Variants in NEBL observed in about 807,000 individuals in gnomAD.
NEBL encodes nebulette, also known as LIM and SH3 protein 2.
A neutral mutation model predicts 140.2 loss-of-function variants in NEBL; 122 were observed. That is an observed-to-expected ratio of 0.87 (90% CI 0.75 to 1.01). The LOEUF is 1.01. NEBL is among the 50% of genes least tolerant of loss of function. The pLI is 0.00. For synonymous variants in NEBL, 436 were observed against 398.9 expected (o/e 1.09, Z -1.11); for missense variants, 1,365 against 1,231.3 (o/e 1.11, Z -1.62).
chr10:20,831,519 G>T lies in NEBL; in HGVS notation c.1514C>A (p.Thr505Asn). The T allele has an allele frequency of 1.2e-6, 2 of 1,612,484 alleles. No individual in the cohort carries two copies. Among genetic ancestry groups the T allele is most frequent in the Non-Finnish European group, 1.7e-6 (2 of 1,179,458 alleles). The change falls in exon 15 of 28, where the codon ACT (threonine) becomes AAT (asparagine). Residue 505 changes from threonine to asparagine, a missense_variant. Thr to Asn is a moderately conservative substitution (Grantham distance 65). Transcript: ENST00000377122. ...KGKGMQVSTD[T>N]LDVQRAKKAS... ...TTTCTTAGCTCTCTGGACATCAAGA[G>T]TGTCTGTGCTCACCTGCATCCCTTT... is the stretch of plus-strand genomic sequence containing the variant.
chr10:21,061,331 A>G (rs1163782065), intron 2 of NEBL, among the ~76,000 whole-genome samples: 2 of 149,058 alleles, frequency 1.3e-5, no homozygotes, highest in Non-Finnish European at 1.5e-5. Flanking sequence ...ATTACATATT[A>G]TGTGATATGT....
rs1390108973 is a variant in NEBL, at chr10:20,785,114, AGAG to A, written c.*630_*632del. ...ACTTGGGTCCATAGAATATAAATGGAGAGTAGGAGATGCCTTGGTACAAATGAG... is the reference window on the plus strand; with the variant it reads ...ACTTGGGTCCATAGAATATAAATGGATAGGAGATGCCTTGGTACAAATGAG... On this transcript the variant is annotated 3_prime_UTR_variant, in exon 28 of 28. Transcript: ENST00000377122. 1 of 154,402 alleles carries A rather than the reference AGAG, an allele frequency of 6.5e-6. No individual in the cohort carries two copies. The highest frequency in any genetic ancestry group is 2.4e-5 in the African/African-American group (1 of 41,454). The allele number at this position is 154,402 out of a possible 1,614,324, so 9.6% of individuals were successfully genotyped here.
At chr10:21,283,637 C>G (rs148805028) in intron 1 of NEBL, among the ~76,000 whole-genome samples, 14 of 152,210 alleles carry the variant, frequency 9.2e-5, no homozygotes, top group African/African-American at 3.1e-4. Flanking sequence ...GTAACACACC[C>G]AGCAGAGTCT....
At chr10:20,815,066 G>A (rs1170543843) in intron 22 of NEBL, among the ~76,000 whole-genome samples, 1 of 152,276 alleles carries the variant, frequency 6.6e-6, no homozygotes, top group Non-Finnish European at 1.5e-5. Flanking sequence ...TGGACCTGAG[G>A]GCATTATGTA....
intron 2 of NEBL, among the ~76,000 whole-genome samples, chr10:21,168,647 C>T (rs1161849013): frequency 6.6e-6 from 1 of 152,060 alleles, no homozygotes; most frequent in Non-Finnish European, 1.5e-5. Context: ...AATAAAAGCT[C>T]TATGATTCTT....
intron 3 of NEBL, among the ~76,000 whole-genome samples, chr10:20,962,498 A>G (rs1465018967): frequency 6.6e-6 from 1 of 152,236 alleles, no homozygotes; most frequent in Non-Finnish European, 1.5e-5. Flanking sequence ...TTCAGTATTT[A>G]AATATACTTC....
At chr10:21,256,974 C>T (rs1169083478) in intron 1 of NEBL, among the ~76,000 whole-genome samples, 1 of 152,236 alleles carries the variant, frequency 6.6e-6, no homozygotes, top group Non-Finnish European at 1.5e-5. Context: ...CTACCACCAT[C>T]TCTCCCCACT....
chr10:21,164,211 C>A (rs1329854283), intron 2 of NEBL, among the ~76,000 whole-genome samples: 4 of 152,200 alleles, frequency 2.6e-5, no homozygotes, highest in African/African-American at 4.8e-5. Context: ...TCTCCTAAGG[C>A]TAAAAGCCAA....
At chr10:21,059,129 C>T (rs1019597412) in intron 2 of NEBL, among the ~76,000 whole-genome samples, 15 of 152,182 alleles carry the variant, frequency 9.9e-5, no homozygotes, top group African/African-American at 2.4e-5. Context: ...TATTAACCAC[C>T]ACCCCCAGCA....
chr10:20,817,871 A>G (rs543402732), intron 20 of NEBL, among the ~76,000 whole-genome samples, 179 bp from the exon 21 acceptor site: 5 of 152,326 alleles, frequency 3.3e-5, no homozygotes, highest in East Asian at 1.9e-4. Flanking sequence ...AGCAAGCACA[A>G]GTTGTTGCTG....
chr10:21,146,834 G>A (rs1839914490), intron 2 of NEBL, among the ~76,000 whole-genome samples: 1 of 152,092 alleles, frequency 6.6e-6, no homozygotes, highest in Non-Finnish European at 1.5e-5. Context: ...CTTTATGGCT[G>A]GTCTATTATT....
chr10:20,988,867 G>C (rs897468690), intron 3 of NEBL, among the ~76,000 whole-genome samples: 1 of 152,210 alleles, frequency 6.6e-6, no homozygotes, highest in African/African-American at 2.4e-5. Context: ...GGGAGCATTT[G>C]AGCAGAGTTG....
At chr10:20,863,247 C>T (rs1254229506) in intron 7 of NEBL, among the ~76,000 whole-genome samples, 2 of 152,084 alleles carry the variant, frequency 1.3e-5, no homozygotes, top group Non-Finnish European at 1.5e-5. Flanking sequence ...AAGTCTAACA[C>T]GCAAACCCAA....
chr10:21,050,031 AC>A (rs1336414298), intron 2 of NEBL, among the ~76,000 whole-genome samples: 1 of 152,150 alleles, frequency 6.6e-6, no homozygotes, highest in African/African-American at 2.4e-5. Flanking sequence ...ACCTTGAGAG[AC>A]CAAATGAAGG....
At chr10:20,967,748 C>T (rs1836386530) in intron 3 of NEBL, among the ~76,000 whole-genome samples, 1 of 152,116 alleles carries the variant, frequency 6.6e-6, no homozygotes, top group Admixed American at 6.5e-5. Context: ...TTCCCTGTTA[C>T]TGGTGATGTT....
intron 4 of NEBL, among the ~76,000 whole-genome samples, chr10:20,940,466 G>A (rs946041583): frequency 2.8e-5 from 4 of 144,654 alleles, no homozygotes; most frequent in African/African-American, 1.0e-4. Context: ...AGCACTAAAT[G>A]CCCACAAGAG....
chr10:21,011,850 G>C (rs929608450), intron 3 of NEBL, among the ~76,000 whole-genome samples: 2 of 152,172 alleles, frequency 1.3e-5, no homozygotes, highest in African/African-American at 4.8e-5. Flanking sequence ...TCCTGCAATG[G>C]CAATGCCCCT....
chr10:20,896,682 A>T (rs569883735), intron 2 of NEBL, among the ~76,000 whole-genome samples: 1 of 152,062 alleles, frequency 6.6e-6, no homozygotes, highest in Non-Finnish European at 1.5e-5. Flanking sequence ...TAAATACTGC[A>T]ATTCAATGCC....
chr10:21,032,367 G>A (rs671173), intron 2 of NEBL, among the ~76,000 whole-genome samples: 92,352 of 151,952 alleles, frequency 0.61, 28,110 homozygotes, highest in East Asian at 0.73. Context: ...TAATTATAAT[G>A]ACTATAAGCC....
Sources: gnomAD v4.1 joint callset for allele counts (sites outside exome capture counted in the v4.1 genomes callset) on GRCh38, gnomAD v4.1.1 for gene constraint, MANE v1.5 for transcripts, NCBI Gene and HGNC (gene_info 2026-07-23, HGNC 2026-07-21) for gene names.